Variants in ENTREP2 observed in about 807,000 individuals in gnomAD.
ENTREP2 encodes the protein protein ENTREP2.
chr15:29,488,428 A>G, the ENTREP2 span, among the ~76,000 whole-genome samples: 1 of 152,092 alleles, frequency 6.6e-6, no homozygotes, highest in Non-Finnish European at 1.5e-5. Context: ...AAATGCCATC[A>G]AGCATACCAA....
the ENTREP2 span, among the ~76,000 whole-genome samples, chr15:29,545,172 A>G: frequency 9.5e-3 from 1,450 of 152,290 alleles, 44 homozygotes; most frequent in Admixed American, 8.4e-3. Context: ...ATCACTGAAC[A>G]TTTTTCTGTC....
chr15:29,354,748 C>G, the ENTREP2 span, among the ~76,000 whole-genome samples: 1 of 151,922 alleles, frequency 6.6e-6, no homozygotes, highest in East Asian at 1.9e-4. Context: ...GGAGACTGCC[C>G]CAAAACAGAA....
the ENTREP2 span, among the ~76,000 whole-genome samples, chr15:29,159,040 CG>C: frequency 6.6e-6 from 1 of 152,148 alleles, no homozygotes; most frequent in Admixed American, 6.5e-5. Flanking sequence ...GGACATTGAG[CG>C]GGTCGTGGTA....
chr15:29,130,856 G>A, the ENTREP2 span, among the ~76,000 whole-genome samples: 1 of 152,152 alleles, frequency 6.6e-6, no homozygotes, highest in Non-Finnish European at 1.5e-5. Flanking sequence ...AGTAGAAAAG[G>A]GTGGGGAAGA....
chr15:29,398,131 C>T, the ENTREP2 span, among the ~76,000 whole-genome samples: 548 of 149,424 alleles, frequency 3.7e-3, 4 homozygotes, highest in African/African-American at 0.013. Context: ...AAGACAGAGA[C>T]TCAAAAACTT....
At chr15:29,476,558 C>A in the ENTREP2 span, among the ~76,000 whole-genome samples, 1 of 152,230 alleles carries the variant, frequency 6.6e-6, no homozygotes, top group Non-Finnish European at 1.5e-5. Flanking sequence ...TTTACCACCA[C>A]CAGGCAGGGC....
the ENTREP2 span, among the ~76,000 whole-genome samples, chr15:29,220,642 G>A: frequency 3.9e-3 from 591 of 152,134 alleles, 2 homozygotes; most frequent in African/African-American, 0.014. Context: ...TATATCTAAA[G>A]GAATTTAGAA....
chr15:29,424,746 A>G, the ENTREP2 span, among the ~76,000 whole-genome samples: 1 of 152,156 alleles, frequency 6.6e-6, no homozygotes, highest in African/African-American at 2.4e-5. Flanking sequence ...CTTTTTCAAC[A>G]CATTTCCTTT....
chr15:29,381,333 T>C, the ENTREP2 span, among the ~76,000 whole-genome samples: 2 of 150,802 alleles, frequency 1.3e-5, no homozygotes, highest in Non-Finnish European at 3.0e-5. Flanking sequence ...GGCAGGCACC[T>C]GTAATTCCAG....
At chr15:29,287,770 CAT>C in the ENTREP2 span, among the ~76,000 whole-genome samples, 1 of 152,176 alleles carries the variant, frequency 6.6e-6, no homozygotes, top group Non-Finnish European at 1.5e-5. Context: ...CTAAAAAGCT[CAT>C]GTGAAAATGC....
the ENTREP2 span, among the ~76,000 whole-genome samples, chr15:29,400,498 G>A: frequency 2.6e-5 from 4 of 152,170 alleles, no homozygotes; most frequent in African/African-American, 7.2e-5. Context: ...TACCAAAAAG[G>A]GGAAAAGAAA....
the ENTREP2 span, among the ~76,000 whole-genome samples, chr15:29,436,527 T>C: frequency 6.6e-6 from 1 of 152,238 alleles, no homozygotes. Context: ...ATGTAAAATA[T>C]GTATTACATA....
the ENTREP2 span, among the ~76,000 whole-genome samples, chr15:29,319,749 C>A: frequency 0.059 from 8,960 of 152,230 alleles, 844 homozygotes; most frequent in African/African-American, 0.2. Context: ...TGCACAGGGT[C>A]CCGGCTGAGA....
At chr15:29,392,418 G>T in the ENTREP2 span, among the ~76,000 whole-genome samples, 1 of 135,142 alleles carries the variant, frequency 7.4e-6, no homozygotes. Flanking sequence ...TCCCGTTTTT[G>T]GTTTATCTGT....
chr15:29,147,474 A>G, the ENTREP2 span, among the ~76,000 whole-genome samples: 87 of 151,936 alleles, frequency 5.7e-4, no homozygotes, highest in African/African-American at 1.9e-3. Flanking sequence ...AAGAAAGATC[A>G]TAAGTGTTGG....
the ENTREP2 span, among the ~76,000 whole-genome samples, chr15:29,178,418 C>T: frequency 1.3e-5 from 2 of 152,238 alleles, no homozygotes; most frequent in Non-Finnish European, 2.9e-5. Flanking sequence ...ATGCATCTCT[C>T]CGTTTTCACA....
At chr15:29,589,178 G>C in the ENTREP2 span, among the ~76,000 whole-genome samples, 1 of 152,038 alleles carries the variant, frequency 6.6e-6, no homozygotes, top group Non-Finnish European at 1.5e-5. Flanking sequence ...GGGGCAGCTG[G>C]CAAAGTTTAA....
chr15:29,600,421 C>T, the ENTREP2 span, among the ~76,000 whole-genome samples: 6 of 149,788 alleles, frequency 4.0e-5, no homozygotes, highest in African/African-American at 1.5e-4. Flanking sequence ...CTCCAAAGCC[C>T]ATCCCAGTTC....
At chr15:29,176,608 A>T in the ENTREP2 span, among the ~76,000 whole-genome samples, 8 of 152,212 alleles carry the variant, frequency 5.3e-5, no homozygotes, top group Non-Finnish European at 8.8e-5. Context: ...CATGCAGGGC[A>T]GGAGCCACGG....
Sources: gnomAD v4.1 joint callset for allele counts (sites outside exome capture counted in the v4.1 genomes callset) on GRCh38, gnomAD v4.1.1 for gene constraint, MANE v1.5 for transcripts, NCBI Gene and HGNC (gene_info 2026-07-23, HGNC 2026-07-21) for gene names.